DSCAM: variants seen among roughly 807,000 people sequenced by gnomAD.
DSCAM encodes DS cell adhesion molecule, also known as cell adhesion molecule DSCAM.
A neutral mutation model predicts 217.7 loss-of-function variants in DSCAM; 47 were observed. That is an observed-to-expected ratio of 0.22 (90% CI 0.17 to 0.28). The LOEUF (loss-of-function observed/expected upper bound fraction) is 0.28, where lower values mean the gene tolerates loss of function less well. DSCAM is among the 10% of genes least tolerant of loss of function. DSCAM has a pLI of 1.00. For missense variants in DSCAM, 2,080 were observed against 2,618.3 expected, an observed-to-expected ratio of 0.79 and a Z score of 4.49; for synonymous variants, 1,056 against 1,015.3, an observed-to-expected ratio of 1.04 and a Z score of -0.76.
intron 3 of DSCAM, among the ~76,000 whole-genome samples, chr21:40,634,304 C>T (rs1329574995): frequency 6.6e-6 from 1 of 152,138 alleles, no homozygotes; most frequent in South Asian, 2.1e-4. Flanking sequence ...TTGGTGGCAG[C>T]GGTTGGCAGT....
At chr21:40,138,621 T>C (rs1288505857) in intron 18 of DSCAM, among the ~76,000 whole-genome samples, 2 of 136,568 alleles carry the variant, frequency 1.5e-5, no homozygotes, top group East Asian at 4.6e-4. Context: ...GTGGTGAGTG[T>C]GTGGTGTATG....
At chr21:40,260,479 C>A (rs751215801) in intron 11 of DSCAM, among the ~76,000 whole-genome samples, 9 of 152,194 alleles carry the variant, frequency 5.9e-5, no homozygotes, top group Non-Finnish European at 1.3e-4. Flanking sequence ...AAATGTGCAT[C>A]AGTGACTCTG....
intron 11 of DSCAM, among the ~76,000 whole-genome samples, chr21:40,245,144 G>C (rs954075902): frequency 6.6e-6 from 1 of 152,230 alleles, no homozygotes; most frequent in Non-Finnish European, 1.5e-5. Context: ...GTAACTTTCA[G>C]CACAATTTAT....
At chr21:40,798,714 T>G (rs1236175508) in intron 1 of DSCAM, among the ~76,000 whole-genome samples, 1 of 152,142 alleles carries the variant, frequency 6.6e-6, no homozygotes, top group Admixed American at 6.5e-5. Context: ...AACAATCACC[T>G]AATTGTAAAT....
chr21:40,533,943 G>A (rs1170017834), intron 3 of DSCAM, among the ~76,000 whole-genome samples: 1 of 152,070 alleles, frequency 6.6e-6, no homozygotes, highest in Non-Finnish European at 1.5e-5. Context: ...TAAATCTTCT[G>A]TTACTAATAC....
At chr21:40,374,980 T>C (rs2074935634) in intron 3 of DSCAM, among the ~76,000 whole-genome samples, 1 of 152,178 alleles carries the variant, frequency 6.6e-6, no homozygotes, top group Admixed American at 6.5e-5. Context: ...TTTTCCACAG[T>C]AGAAATGGAT....
intron 14 of DSCAM, among the ~76,000 whole-genome samples, chr21:40,182,465 C>T (rs62235670): frequency 1.5e-3 from 225 of 151,900 alleles, no homozygotes; most frequent in Non-Finnish European, 2.6e-3. Context: ...TGAGCCACCA[C>T]GGACAGGAGG....
At chr21:40,015,676 A>G (rs554796086) in intron 32 of DSCAM, among the ~76,000 whole-genome samples, 1 of 152,258 alleles carries the variant, frequency 6.6e-6, no homozygotes, top group Non-Finnish European at 1.5e-5. Context: ...AACTCAAGTG[A>G]TGCTCCTGCC....
At chr21:40,602,325 T>C (rs557220416) in intron 3 of DSCAM, among the ~76,000 whole-genome samples, 36 of 152,186 alleles carry the variant, frequency 2.4e-4, no homozygotes, top group Non-Finnish European at 5.0e-4. Flanking sequence ...CTTCTCAAAG[T>C]GCTGAGATCA....
chr21:40,055,246 C>T (rs552061186), intron 29 of DSCAM, among the ~76,000 whole-genome samples: 5 of 152,120 alleles, frequency 3.3e-5, no homozygotes, highest in Non-Finnish European at 7.3e-5. Context: ...GGGGAAGATA[C>T]CCTGTACAAA....
rs1197583036 is a variant in DSCAM, at chr21:40,364,991, TAACATA to T, written c.655+4102_655+4107del. Among the ~76,000 whole-genome samples the T allele has an allele frequency of 1.3e-4, 20 of 150,508 alleles. No individual in the cohort carries two copies. In the East Asian group the frequency reaches 2.1e-3, roughly 16 times the overall value. ...CTTATACTGAAAATAAAAATAAAAA[TAACATA>T]AACATAATCACTTTTCACTTATCCC... On this transcript the variant is annotated intron_variant, in intron 4 of 32. Coordinates refer to ENST00000400454, the MANE Select transcript of DSCAM (RefSeq NM_001389.5).
intron 3 of DSCAM, among the ~76,000 whole-genome samples, chr21:40,467,817 T>C (rs1435887650): frequency 1.4e-5 from 2 of 146,278 alleles, no homozygotes; most frequent in Non-Finnish European, 3.0e-5. Context: ...GAGGGGAAAA[T>C]AAATCGTGGG....
Position 40,199,857 on chromosome 21 carries a change from G to GT in DSCAM, c.2357-10620dup, listed in dbSNP as rs1318194485. Among the ~76,000 whole-genome samples, 71 of 151,902 alleles carry GT rather than the reference G, an allele frequency of 4.7e-4. 1 individual carries two copies. ...TAAAACCTAGATGACAGGTTGATGG[G>GT]TGCAGCAAACCACCATGGCACATAT... On this transcript the variant is annotated intron_variant, in intron 11 of 32. Transcript: ENST00000400454.
intron 1 of DSCAM, among the ~76,000 whole-genome samples, chr21:40,787,302 T>C (rs1374083387): frequency 1.3e-5 from 2 of 152,226 alleles, no homozygotes; most frequent in South Asian, 2.1e-4. Context: ...TGCCGAATGA[T>C]GTGTCCTAAC....
At chr21:40,387,101 C>T (rs1349032029) in intron 3 of DSCAM, among the ~76,000 whole-genome samples, 1 of 152,066 alleles carries the variant, frequency 6.6e-6, no homozygotes, top group African/African-American at 2.4e-5. Flanking sequence ...AGACAAGCTG[C>T]ATAAATCTAA....
chr21:40,440,426 C>T (rs559004127), intron 3 of DSCAM, among the ~76,000 whole-genome samples: 29 of 98,478 alleles, frequency 2.9e-4, no homozygotes, highest in African/African-American at 8.0e-4. Context: ...CTTACAGACA[C>T]GGAAAGAGAC....
intron 11 of DSCAM, among the ~76,000 whole-genome samples, chr21:40,248,735 A>G (rs1208175944): frequency 6.6e-6 from 1 of 152,170 alleles, no homozygotes; most frequent in African/African-American, 2.4e-5. Context: ...ATTTTCAGGT[A>G]TCTTTTCAGC....
chr21:40,424,743 C>A (rs1431309931), intron 3 of DSCAM, among the ~76,000 whole-genome samples: 3 of 152,280 alleles, frequency 2.0e-5, no homozygotes, highest in East Asian at 3.9e-4. Context: ...AGATTATATT[C>A]TGGAAATAGC....
intron 16 of DSCAM, among the ~76,000 whole-genome samples, chr21:40,151,922 T>C (rs769949579): frequency 6.6e-6 from 1 of 152,158 alleles, no homozygotes; most frequent in African/African-American, 2.4e-5. Flanking sequence ...GATGAGCCAA[T>C]TTATTTGGAC....
Sources: allele counts gnomAD v4.1 joint callset (sites outside exome capture counted in the v4.1 genomes callset), GRCh38; gene constraint gnomAD v4.1.1; transcripts MANE v1.5; gene names NCBI Gene and HGNC (gene_info 2026-07-23, HGNC 2026-07-21).